The following ACSS1 variants were observed in gnomAD, a reference collection of about 807,000 sequenced individuals.
ACSS1 encodes the protein acetyl-coenzyme A synthetase 2-like, mitochondrial.
ACSS1 carries 42 observed loss-of-function variants against 75.3 expected under a neutral mutation model. That is an observed-to-expected ratio of 0.56 (90% CI 0.44 to 0.72). The LOEUF (loss-of-function observed/expected upper bound fraction) is 0.72. ACSS1 is among the 30% of genes least tolerant of loss of function. ACSS1 has a pLI of 0.00. For synonymous variants in ACSS1, 380 were observed against 376.8 expected (o/e 1.01, Z -0.10); for missense variants, 782 against 935.7 (o/e 0.84, Z 2.14).
chr20:25,051,759 C>G (rs2122765646), intron 1 of ACSS1, among the ~76,000 whole-genome samples: 1 of 152,342 alleles, frequency 6.6e-6, no homozygotes, highest in South Asian at 2.1e-4. Context: ...CCTGGAGTCA[C>G]CACTAAAAAC....
intron 3 of ACSS1, among the ~76,000 whole-genome samples, chr20:25,025,867 T>C (rs2088705996): frequency 6.6e-6 from 1 of 152,110 alleles, no homozygotes; most frequent in Non-Finnish European, 1.5e-5. Flanking sequence ...TTCTGTGCAT[T>C]AAGGATGTGG....
intron 2 of ACSS1, among the ~76,000 whole-genome samples, chr20:25,034,678 C>T (rs1241829237): frequency 2.0e-5 from 3 of 152,040 alleles, no homozygotes; most frequent in Non-Finnish European, 4.4e-5. Context: ...AAACAATTCT[C>T]CCACCTCAGC....
rs1274486818 is a variant in ACSS1, at chr20:25,023,146, G to A, written c.808-54C>T. On this transcript the variant is annotated intron_variant, in intron 4 of 13. Transcript: ENST00000323482. ...CCGAGGGCACTCAGCCTCTCTGAGA[G>A]CAGCACTCCCCCTCCGCAGCAGGAC... The A allele has an allele frequency of 2.2e-5, 34 of 1,571,126 alleles. No homozygotes were observed. In the East Asian group the frequency reaches 5.0e-4, roughly 23 times the overall value.
Position 25,006,475 on chromosome 20 carries a change from T to C in ACSS1, c.*1287A>G. On this transcript the variant is annotated 3_prime_UTR_variant, in exon 14 of 14. Transcript: ENST00000323482. ...ACACCACCTCCTGGGCTTCACAGGTTCACTCACCCAAGAGGCCAGCACAAC... is the reference window on the plus strand; with the variant it reads ...ACACCACCTCCTGGGCTTCACAGGTCCACTCACCCAAGAGGCCAGCACAAC... 1 of 214,850 alleles carries C rather than the reference T, an allele frequency of 4.7e-6. No individual in the cohort carries two copies. Among genetic ancestry groups the C allele is most frequent in the South Asian group, 8.6e-5 (1 of 11,578 alleles). The allele number at this position is 214,850 out of a possible 1,614,324, so 13.3% of individuals were successfully genotyped here. A position where few individuals can be genotyped will look rare whatever the true frequency, so the allele number is the denominator to read the frequency against.
chr20:25,020,770 G>A (rs1399210493), intron 6 of ACSS1, among the ~76,000 whole-genome samples: 1 of 152,244 alleles, frequency 6.6e-6, no homozygotes, highest in African/African-American at 2.4e-5. Context: ...AGCACTGGGA[G>A]GTGATAACAC....
rs77179468 is a variant in ACSS1 at position 25,041,985 on chromosome 20, A to G, written c.431+6100T>C. ...ACAGGTGGGATCCTCCTGCCCTAAC[A>G]GTGGGTTGTGGAGCCCAGGTGTCAG... On this transcript the variant is annotated intron_variant, in intron 2 of 13. Transcript: ENST00000323482. Among the ~76,000 whole-genome samples, 1,456 of 152,270 alleles carry G rather than the reference A, an allele frequency of 9.6e-3. 22 individuals are homozygous for G. Among genetic ancestry groups the G allele is most frequent in the African/African-American group, 0.032 (1,323 of 41,548 alleles).
Position 25,030,962 on chromosome 20 carries a change from C to A in ACSS1, c.432-4G>T, listed in dbSNP as rs752370114. ...GCACGTGGTCTCCAGTAGTTCCCTG[C>A]AGCACAGGGAAGAGAAAGCCATCAG... On this transcript the variant is annotated splice_region_variant and splice_polypyrimidine_tract_variant and intron_variant, in intron 2 of 13. Transcript: ENST00000323482. 50 of 1,613,546 alleles carry A rather than the reference C, an allele frequency of 3.1e-5. No homozygotes were observed. In the Admixed American group the frequency reaches 3.5e-4, roughly 11 times the overall value.
intron 2 of ACSS1, 125 bp from the exon 3 acceptor site, chr20:25,031,083 C>T (rs1229038244): frequency 1.1e-6 from 1 of 931,224 alleles, no homozygotes; most frequent in Non-Finnish European, 1.7e-6. Context: ...GGAAAACAGG[C>T]ACTTGAATAC....
intron 1 of ACSS1, among the ~76,000 whole-genome samples, chr20:25,050,335 G>A (rs571104787): frequency 4.1e-4 from 63 of 152,206 alleles, no homozygotes; most frequent in African/African-American, 1.4e-3. Flanking sequence ...ACTCTATGAT[G>A]CTATGACAAG....
chr20:25,021,881 C>T (rs1335435500), intron 5 of ACSS1, among the ~76,000 whole-genome samples: 1 of 152,200 alleles, frequency 6.6e-6, no homozygotes, highest in South Asian at 2.1e-4. Context: ...TCTTCCACAG[C>T]AACTGAGTGG....
chr20:25,032,370 G>A (rs1055445095), intron 2 of ACSS1: 23 of 1,357,192 alleles, frequency 1.7e-5, no homozygotes, highest in Admixed American at 9.3e-5. Context: ...CCAACTTGCC[G>A]GCCATGCGGT....
intron 12 of ACSS1, 148 bp from the exon 13 acceptor site, chr20:25,009,536 CA>C (rs1328820902): frequency 1.5e-6 from 1 of 680,164 alleles, no homozygotes; most frequent in African/African-American, 1.8e-5. Flanking sequence ...TCTTTAGTTG[CA>C]AACCCAAAGA....
chr20:25,040,837 C>G (rs2088989310), intron 2 of ACSS1, among the ~76,000 whole-genome samples: 1 of 152,182 alleles, frequency 6.6e-6, no homozygotes, highest in African/African-American at 2.4e-5. Flanking sequence ...GATGCCCCAC[C>G]CCAGGCCACC....
chr20:25,049,559 C>T (rs2089148098), intron 1 of ACSS1, among the ~76,000 whole-genome samples: 1 of 152,194 alleles, frequency 6.6e-6, no homozygotes, highest in Admixed American at 6.5e-5. Flanking sequence ...TGACCAAACA[C>T]ACAAGGCCGG....
At chr20:25,030,157 G>A (rs1470620486) in intron 3 of ACSS1, among the ~76,000 whole-genome samples, 3 of 152,178 alleles carry the variant, frequency 2.0e-5, no homozygotes, top group Non-Finnish European at 2.9e-5. Flanking sequence ...CCTGCCTTGC[G>A]AAGCCAGCTC....
intron 3 of ACSS1, among the ~76,000 whole-genome samples, chr20:25,025,245 G>A (rs957917450): frequency 1.3e-5 from 2 of 152,148 alleles, no homozygotes; most frequent in Non-Finnish European, 2.9e-5. Context: ...CTCCTGACTC[G>A]CACCTGTCCA....
intron 2 of ACSS1, among the ~76,000 whole-genome samples, chr20:25,034,310 C>T (rs2088874473): frequency 6.6e-6 from 1 of 152,182 alleles, no homozygotes; most frequent in Non-Finnish European, 1.5e-5. Context: ...CTTCAAACTC[C>T]ACCCCTTAGT....
rs2089271858 is a variant in ACSS1 at position 25,058,090 on chromosome 20, T to C, written c.13A>G (p.Thr5Ala). ...AGCCTCCCGACGCCGCGGCCCAGGG[T>C]GCGCGCCGCCATCTAGGCAGGCTAC... is the stretch of plus-strand genomic sequence containing the variant. Reference protein sequence around the residue: MAARTLGRGVGRLLG... With the variant: MAARALGRGVGRLLG... Residue 5 changes from threonine (T) to alanine (A), a missense_variant, in exon 1 of 14, where the codon ACC (threonine) becomes GCC (alanine). Around this residue, in one of 2 missense-constraint regions of ACSS1, gnomAD observed 377 missense variants for 383.1 expected, o/e 0.98. Transcript: ENST00000323482. 18 of 1,252,348 alleles carry C rather than the reference T, an allele frequency of 1.4e-5. No individual in the cohort carries two copies. Among genetic ancestry groups the C allele is most frequent in the South Asian group, 6.2e-5 (2 of 32,384 alleles). The allele number at this position is 1,252,348 out of a possible 1,614,324, so 77.6% of individuals were successfully genotyped here. A position where few individuals can be genotyped will look rare whatever the true frequency, so the allele number is the denominator to read the frequency against.
Position 25,023,584 on chromosome 20 carries a change from T to G in ACSS1, c.689A>C (p.Glu230Ala), listed in dbSNP as rs762846779. Reference protein sequence around the residue: ...NQGLRGGRVVELKKIVDEAVK... With the variant: ...NQGLRGGRVVALKKIVDEAVK... ...AGCCTCATCCACTATTTTCTTCAGCTCCACCACGCGCCCACCCCGGAGTCC... is the reference window on the plus strand; with the variant it reads ...AGCCTCATCCACTATTTTCTTCAGCGCCACCACGCGCCCACCCCGGAGTCC... Residue 230 changes from glutamate to alanine, a missense_variant, in exon 4 of 14, where the codon GAG becomes GCG. This residue lies in a region of ACSS1 where 377 missense variants were observed against 383.1 expected (regional missense o/e 0.98). Transcript: ENST00000323482. 2 of 1,613,906 alleles carry G rather than the reference T, an allele frequency of 1.2e-6. No homozygotes were observed. Among genetic ancestry groups the G allele is most frequent in the Non-Finnish European group, 1.7e-6 (2 of 1,179,928 alleles).
Sources: gnomAD v4.1 joint callset for allele counts (sites outside exome capture counted in the v4.1 genomes callset) on GRCh38, gnomAD v4.1.1 for gene constraint, gnomAD v4.1.1 regional missense constraint, MANE v1.5 for transcripts, NCBI Gene and HGNC (gene_info 2026-07-23, HGNC 2026-07-21) for gene names.